Variants in PLCB1 observed in about 807,000 individuals in gnomAD.
The protein encoded by PLCB1 is 1-phosphatidylinositol 4,5-bisphosphate phosphodiesterase beta-1.
PLCB1 carries 46 observed loss-of-function variants against 161.8 expected under a neutral mutation model. That is an observed-to-expected ratio of 0.28 (90% CI 0.22 to 0.36). The LOEUF (loss-of-function observed/expected upper bound fraction) is 0.36. Among genes scored for constraint, PLCB1 ranks in the 10% least tolerant of loss-of-function variants. The pLI, the probability that PLCB1 is intolerant of heterozygous loss-of-function variation, is 1.00. For synonymous variants in PLCB1, 517 were observed against 503.7 expected (o/e 1.03, Z -0.35); for missense variants, 1,016 against 1,472.5 (o/e 0.69, Z 5.07).
intron 10 of PLCB1, among the ~76,000 whole-genome samples, chr20:8,691,768 C>T (rs960356444): frequency 6.6e-6 from 1 of 152,050 alleles, no homozygotes; most frequent in Admixed American, 6.6e-5. Flanking sequence ...TATCAAGATG[C>T]CCAGAAGTAA....
chr20:8,634,478 C>G (rs1279947439), intron 4 of PLCB1, among the ~76,000 whole-genome samples: 1 of 152,128 alleles, frequency 6.6e-6, no homozygotes, highest in Non-Finnish European at 1.5e-5. Flanking sequence ...CACACCAGCT[C>G]TCTGAATTTC....
At chr20:8,668,779 G>A (rs1196057802) in intron 9 of PLCB1, among the ~76,000 whole-genome samples, 1 of 152,170 alleles carries the variant, frequency 6.6e-6, no homozygotes, top group Non-Finnish European at 1.5e-5. Context: ...CAGCCCAGCT[G>A]TATCTCCTGG....
intron 2 of PLCB1, among the ~76,000 whole-genome samples, chr20:8,187,155 G>T (rs2123101870): frequency 6.6e-6 from 1 of 152,170 alleles, no homozygotes; most frequent in South Asian, 2.1e-4. Context: ...TCAGTCTGTA[G>T]TCCTGATCAC....
intron 3 of PLCB1, among the ~76,000 whole-genome samples, chr20:8,486,481 A>ATTTT (rs71183092): frequency 0.015 from 1,317 of 85,778 alleles, 140 homozygotes; most frequent in African/African-American, 0.039. Context: ...ATTCCAAAAT[A>ATTTT]TTTTTTTTTT....
chr20:8,240,291 C>T (rs1360652145), intron 2 of PLCB1, among the ~76,000 whole-genome samples: 8 of 151,150 alleles, frequency 5.3e-5, no homozygotes, highest in East Asian at 1.9e-4. Flanking sequence ...CACACACACA[C>T]ACACACACAC....
intron 2 of PLCB1, among the ~76,000 whole-genome samples, chr20:8,307,060 G>T (rs1293275082): frequency 2.0e-5 from 3 of 152,222 alleles, no homozygotes; most frequent in African/African-American, 7.2e-5. Context: ...TGTCAGGTCT[G>T]GTGAGGGATG....
chr20:8,355,469 T>G lies in PLCB1; in HGVS notation c.178-15913T>G, dbSNP rs111434048. Among the ~76,000 whole-genome samples, 769 of 152,220 alleles carry G rather than the reference T, an allele frequency of 5.1e-3. 9 individuals are homozygous for G. Among genetic ancestry groups the G allele is most frequent in the African/African-American group, 0.018 (730 of 41,540 alleles). ...ATCTCCTAGGGTCTCTCTGTCCTCT[T>G]TAAAAAGGACACAGGAGAAAGAAAA... On this transcript the variant is annotated intron_variant, in intron 2 of 31. Transcript: ENST00000338037.
At chr20:8,423,303 G>GA (rs781009142) in intron 3 of PLCB1, among the ~76,000 whole-genome samples, 117 of 152,256 alleles carry the variant, frequency 7.7e-4, no homozygotes, top group Non-Finnish European at 1.4e-3. Context: ...ATAAAGGAAT[G>GA]ATGTTTAAAG....
At chr20:8,509,661 TTAGA>T (rs745948793) in intron 3 of PLCB1, among the ~76,000 whole-genome samples, 29 of 151,910 alleles carry the variant, frequency 1.9e-4, no homozygotes, top group Admixed American at 2.6e-4. Flanking sequence ...AAAAAATAGA[TTAGA>T]TAGATAGGTA....
At position 8,821,501 on chromosome 20, in the gene PLCB1, GTATATATATA is replaced by G. The variant is rs552044656; in HGVS notation, c.3423+31288_3423+31297del. ...TCAAAAAAAAAAAAAAAAAAAATAT[GTATATATATA>G]TATATATATATATATATATATATAT... On this transcript the variant is annotated intron_variant, in intron 31 of 31. Transcript: ENST00000338037. Among the ~76,000 whole-genome samples the G allele has an allele frequency of 8.1e-3, 341 of 42,302 alleles. 40 individuals are homozygous for G. Among genetic ancestry groups the G allele is most frequent in the Non-Finnish European group, 0.012 (263 of 21,212 alleles). The allele number at this position is 42,302 out of a possible 152,430, so 27.8% of individuals were successfully genotyped here. A position where few individuals can be genotyped will look rare whatever the true frequency, so the allele number is the denominator to read the frequency against.
intron 2 of PLCB1, among the ~76,000 whole-genome samples, chr20:8,222,091 A>C (rs1979444703): frequency 6.6e-6 from 1 of 152,176 alleles, no homozygotes; most frequent in Non-Finnish European, 1.5e-5. Flanking sequence ...TCTGAACCTG[A>C]CAAGACAGTG....
At chr20:8,560,172 A>G (rs1386654094) in intron 3 of PLCB1, among the ~76,000 whole-genome samples, 1 of 151,974 alleles carries the variant, frequency 6.6e-6, no homozygotes, top group South Asian at 2.1e-4. Flanking sequence ...AGGCCCTAAG[A>G]CCTGCATTTC....
At chr20:8,698,585 G>A (rs1233334122) in intron 11 of PLCB1, among the ~76,000 whole-genome samples, 1 of 152,088 alleles carries the variant, frequency 6.6e-6, no homozygotes, top group Non-Finnish European at 1.5e-5. Flanking sequence ...ACATACCTAT[G>A]GTCAAGTTGG....
chr20:8,463,908 T>G lies in PLCB1; in HGVS notation c.246+92458T>G, dbSNP rs186368083. On this transcript the variant is annotated intron_variant, in intron 3 of 31. Transcript: ENST00000338037. ...TTTATCAGCATTTTTTTTATTTACC[T>G]CTCCTTCATGCATCTCTGACTTTGC... Among the ~76,000 whole-genome samples, 597 of 152,294 alleles carry G rather than the reference T, an allele frequency of 3.9e-3. 6 individuals carry two copies. Among genetic ancestry groups the G allele is most frequent in the African/African-American group, 0.014 (579 of 41,572 alleles).
intron 31 of PLCB1, among the ~76,000 whole-genome samples, chr20:8,829,360 C>A (rs550876089): frequency 6.6e-6 from 1 of 152,186 alleles, no homozygotes; most frequent in Admixed American, 6.6e-5. Context: ...TGCCCGCTGA[C>A]CTCCCTGCAA....
Position 8,323,165 on chromosome 20 carries a change from T to C in PLCB1, c.178-48217T>C, listed in dbSNP as rs1600314417. ...GCGGGATTTGGTCATTCTCTTTCTT[T>C]CGGATATGTTTTGTGTTCTTTCTAA... On this transcript the variant is annotated intron_variant, in intron 2 of 31. Transcript: ENST00000338037. 2.6e-5 allele frequency among the ~76,000 whole-genome samples: 4 copies of C among 152,296 alleles called. No individual in the cohort carries two copies. In the South Asian group the frequency reaches 8.3e-4, roughly 32 times the overall value.
chr20:8,602,073 A>G (rs1987603687), intron 3 of PLCB1, among the ~76,000 whole-genome samples: 1 of 152,182 alleles, frequency 6.6e-6, no homozygotes, highest in African/African-American at 2.4e-5. Context: ...ATTGGGCAGC[A>G]TCTTCTCTAG....
In PLCB1 at chr20:8,733,287, T is replaced by C; in HGVS notation, c.1938T>C (p.Ser646=). ...NMGMYEYNGK[S]GYRLKPEFMR... ...GGATGTATGAATACAACGGGAAGAG[T>C]GGCTACAGATTGAAGCCAGAGTTCA... Residue 646 remains serine, a synonymous_variant, in exon 19 of 32, where the codon AGT becomes AGC. Transcript: ENST00000338037. The C allele has an allele frequency of 2.5e-6, 4 of 1,613,826 alleles. No homozygotes were observed. The highest frequency in any genetic ancestry group is 3.4e-6 in the Non-Finnish European group (4 of 1,179,918).
intron 3 of PLCB1, among the ~76,000 whole-genome samples, chr20:8,532,850 TTTTTATTTTA>T (rs780863130): frequency 6.6e-6 from 1 of 151,998 alleles, no homozygotes. Flanking sequence ...TTTTTCTTCC[TTTTTATTTTA>T]TTTTATTTTA....
Sources: gnomAD v4.1 joint callset for allele counts (sites outside exome capture counted in the v4.1 genomes callset) on GRCh38, gnomAD v4.1.1 for gene constraint, MANE v1.5 for transcripts, NCBI Gene and HGNC (gene_info 2026-07-23, HGNC 2026-07-21) for gene names.